DCBLD1: variants seen among roughly 807,000 people sequenced by gnomAD.
DCBLD1 encodes discoidin, CUB and LCCL domain containing 1.
A neutral mutation model predicts 71.5 loss-of-function variants in DCBLD1; 57 were observed. That is an observed-to-expected ratio of 0.80 (90% CI 0.64 to 0.99). The LOEUF (loss-of-function observed/expected upper bound fraction) is 0.99, where lower values mean the gene tolerates loss of function less well. DCBLD1 is among the 50% of genes least tolerant of loss of function. The probability of loss-of-function intolerance (pLI) is 0.00; values close to 1 mark genes in which losing one functional copy is unlikely to be tolerated. For synonymous variants in DCBLD1, 380 were observed against 363.8 expected (o/e 1.04, Z -0.51); for missense variants, 891 against 923.5 (o/e 0.96, Z 0.46).
At chr6:117,508,475 ATGT>A (rs879265263) in intron 2 of DCBLD1, among the ~76,000 whole-genome samples, 3 of 152,162 alleles carry the variant, frequency 2.0e-5, no homozygotes, top group Non-Finnish European at 4.4e-5. Flanking sequence ...TAAATATATA[ATGT>A]TGTATTTATT....
chr6:117,556,109 A>G (rs1183784373), intron 14 of DCBLD1, among the ~76,000 whole-genome samples: 1 of 152,226 alleles, frequency 6.6e-6, no homozygotes, highest in Non-Finnish European at 1.5e-5. Flanking sequence ...GCAATTTACC[A>G]AATTGCAAAT....
intron 1 of DCBLD1, among the ~76,000 whole-genome samples, chr6:117,492,369 T>C (rs1777322174): frequency 6.6e-6 from 1 of 152,240 alleles, no homozygotes; most frequent in African/African-American, 2.4e-5. Context: ...CACATTTACT[T>C]TGTGTGCCCA....
intron 4 of DCBLD1, among the ~76,000 whole-genome samples, chr6:117,524,802 T>C (rs1256076413): frequency 6.6e-6 from 1 of 152,196 alleles, no homozygotes; most frequent in Non-Finnish European, 1.5e-5. Flanking sequence ...ATATTTCTTT[T>C]TACTTTTTAA....
At chr6:117,543,375 A>T (rs911826420) in intron 12 of DCBLD1, among the ~76,000 whole-genome samples, 164 bp downstream of exon 12, 2 of 152,210 alleles carry the variant, frequency 1.3e-5, no homozygotes, top group Admixed American at 6.5e-5. Flanking sequence ...AGTAGAAATG[A>T]TCGAGTATTA....
rs1469298510 is a variant in DCBLD1 at position 117,547,797 on chromosome 6, C to G, written c.1616-110C>G. On this transcript the variant is annotated intron_variant, in intron 14 of 14. Transcript: ENST00000338728. ...GCAGTGCCTGGGACACCTGAGGGCA[C>G]CCGGGGGGAAAGTCAGTCACCACGA... The G allele has an allele frequency of 3.2e-6, 5 of 1,542,640 alleles. No individual in the cohort carries two copies. In the African/African-American group the frequency reaches 6.9e-5, roughly 21 times the overall value.
intron 1 of DCBLD1, chr6:117,494,967 A>G (rs1390880469): frequency 2.0e-5 from 3 of 152,092 alleles, no homozygotes; most frequent in Admixed American, 6.5e-5. Flanking sequence ...TTCACTATAC[A>G]CTGTAAGGGC....
intron 1 of DCBLD1, among the ~76,000 whole-genome samples, chr6:117,498,056 T>A (rs1160896309): frequency 2.0e-5 from 3 of 152,250 alleles, no homozygotes. Flanking sequence ...CTTGGAGATA[T>A]CAGTTTGGCT....
At chr6:117,492,717 G>C (rs1777335333) in intron 1 of DCBLD1, among the ~76,000 whole-genome samples, 1 of 152,152 alleles carries the variant, frequency 6.6e-6, no homozygotes, top group Non-Finnish European at 1.5e-5. Flanking sequence ...ACTGGACTAT[G>C]ATATGAGTTT....
chr6:117,524,490 C>T (rs1332655638), intron 4 of DCBLD1, among the ~76,000 whole-genome samples: 2 of 152,184 alleles, frequency 1.3e-5, no homozygotes, highest in African/African-American at 4.8e-5. Flanking sequence ...AGGCGTGAGC[C>T]ACTGTGTCCG....
chr6:117,545,543 GATA>G lies in DCBLD1; in HGVS notation c.1564_1566del (p.Asn522del). 6.2e-7 allele frequency: 1 copy of G among 1,614,154 alleles called. No individual in the cohort carries two copies. Among genetic ancestry groups the G allele is most frequent in the Non-Finnish European group, 8.5e-7 (1 of 1,180,028 alleles). On this transcript the variant is annotated inframe_deletion, in exon 14 of 15. Transcript: ENST00000338728. ...GTCAGCTGAGTTTACCATCAGCTAT[GATA>G]ATGAGAAGGAGATGACACAAAAGTT...
chr6:117,494,297 T>G (rs908897132), intron 1 of DCBLD1, among the ~76,000 whole-genome samples: 1 of 152,216 alleles, frequency 6.6e-6, no homozygotes, highest in Non-Finnish European at 1.5e-5. Flanking sequence ...TTGGTAATAT[T>G]GGATTTTTCT....
At chr6:117,560,556 G>A (rs1455880477) in intron 14 of DCBLD1, 1 of 193,684 alleles carries the variant, frequency 5.2e-6, no homozygotes. Flanking sequence ...CTGCAGTGGG[G>A]AAAAAAACAG....
rs1032994868 is a variant in DCBLD1 at position 117,548,988 on chromosome 6, C to A, written c.*549C>A. Reference sequence around the variant, plus strand: ...TAGAACTGAAAGCATTTTTAACATTCTTCTCCTGGAAGAAATGAATTACTT... The same window carrying A: ...TAGAACTGAAAGCATTTTTAACATTATTCTCCTGGAAGAAATGAATTACTT... On this transcript the variant is annotated 3_prime_UTR_variant, in exon 15 of 15. Transcript: ENST00000338728. 7 of 986,590 alleles carry A rather than the reference C, an allele frequency of 7.1e-6. No homozygotes were observed. Among genetic ancestry groups the A allele is most frequent in the Non-Finnish European group, 8.4e-6 (7 of 830,872 alleles). 61.1% of individuals were successfully genotyped at this position (986,590 alleles called of 1,614,324 possible).
intron 3 of DCBLD1, 59 bp downstream of exon 3, chr6:117,520,009 C>T: frequency 6.3e-7 from 1 of 1,592,534 alleles, no homozygotes; most frequent in Non-Finnish European, 8.6e-7. Flanking sequence ...ATTCCTCTTG[C>T]CACTTATCCC....
At chr6:117,567,022 C>A in intron 14 of DCBLD1, 1 of 1,583,918 alleles carries the variant, frequency 6.3e-7, no homozygotes, top group Non-Finnish European at 8.5e-7. Flanking sequence ...ACTTCAAATT[C>A]AATCTCTCCT....
rs756612993 is a variant in DCBLD1, at chr6:117,503,998, G to A, written c.325+19G>A. 1.2e-6 allele frequency: 2 copies of A among 1,611,738 alleles called. No individual in the cohort carries two copies. The highest frequency in any genetic ancestry group is 1.1e-5 in the South Asian group (1 of 90,932). On this transcript the variant is annotated intron_variant, in intron 2 of 14. Transcript: ENST00000338728. The stretch of plus-strand genomic sequence containing the variant: ...CAATATGGTAAGAAAAGAGAACTAG[G>A]TTTCTCTGAGCATCAAAATTTTTGA...
intron 11 of DCBLD1, 92 bp from the exon 12 acceptor site, chr6:117,543,032 A>T: frequency 9.3e-7 from 1 of 1,079,276 alleles, no homozygotes; most frequent in Non-Finnish European, 1.4e-6. Context: ...TTAAATGCTT[A>T]AAGACTTTTC....
At chr6:117,540,625 C>T in intron 9 of DCBLD1, 43 bp from the exon 10 acceptor site, 1 of 1,610,508 alleles carries the variant, frequency 6.2e-7, no homozygotes, top group Non-Finnish European at 8.5e-7. Context: ...CACCTAAAAA[C>T]TCACTAATAG....
Position 117,545,606 on chromosome 6 carries a change from C to A in DCBLD1, c.1615+9C>A. The A allele has an allele frequency of 6.2e-7, 1 of 1,612,916 alleles. No homozygotes were observed. Among genetic ancestry groups the A allele is most frequent in the South Asian group, 1.1e-5 (1 of 90,758 alleles). On this transcript the variant is annotated intron_variant, in intron 14 of 14. Coordinates refer to ENST00000338728, the MANE Select transcript of DCBLD1 (RefSeq NM_001366458.2). The stretch of plus-strand genomic sequence containing the variant: ...CACAAGTGATATGGCAGGTAAGTGT[C>A]ATATTTCTAGGACTGTGCTATTAGA...
Sources: allele counts gnomAD v4.1 joint callset (sites outside exome capture counted in the v4.1 genomes callset), GRCh38; gene constraint gnomAD v4.1.1; transcripts MANE v1.5; gene names NCBI Gene and HGNC (gene_info 2026-07-23, HGNC 2026-07-21).